VCPIP1: variants seen among roughly 807,000 people sequenced by gnomAD.
The protein encoded by VCPIP1 is deubiquitinating protein VCPIP1.
In VCPIP1, 8 loss-of-function variants were observed where a neutral mutation model predicts 85.0. That is an observed-to-expected ratio of 0.09 (90% CI 0.06 to 0.17). VCPIP1 has a LOEUF of 0.17. Ranked by LOEUF, VCPIP1 falls within the 10% of genes least tolerant of loss-of-function variation. The pLI is 1.00. For missense variants in VCPIP1, 1,070 were observed against 1,486.3 expected (o/e 0.72, Z 4.61); for synonymous variants, 543 against 544.5 (o/e 1.00, Z 0.04).
At chr8:66,643,121 T>C (rs1671825700) in intron 2 of VCPIP1, among the ~76,000 whole-genome samples, 1 of 151,430 alleles carries the variant, frequency 6.6e-6, no homozygotes, top group East Asian at 2.0e-4. Context: ...TCAGGAGTTC[T>C]AGACCAGCCT....
rs1811185835 is a variant in VCPIP1 at position 66,664,378 on chromosome 8, C to T, written c.2581G>A (p.Ala861Thr). The T allele has an allele frequency of 5.0e-6, 8 of 1,613,822 alleles. No individual in the cohort carries two copies. In the East Asian group the frequency reaches 1.8e-4, roughly 36 times the overall value. Residue 861 changes from alanine (A) to threonine (T), a missense_variant, in exon 1 of 3, where the codon GCT becomes ACT. Transcript: ENST00000310421. ...LKSKAEGGQSAAAHSAHTVKQ... is the reference protein window; with the variant it reads ...LKSKAEGGQSTAAHSAHTVKQ... ...ACAGTGTGGGCTGAGTGTGCTGCAG[C>T]AGACTGACCACCTTCAGCTTTACTT... is the stretch of plus-strand genomic sequence containing the variant.
In VCPIP1 at chr8:66,634,567, C is replaced by A; in HGVS notation, c.3603G>T (p.Glu1201Asp). ...CATCTTGACTATCCATCTCTTCAAGCTCCTCCACGGAATTTCCCCTTTGTG... is the reference window on the plus strand; with the variant it reads ...CATCTTGACTATCCATCTCTTCAAGATCCTCCACGGAATTTCCCCTTTGTG... ...SKAQRGNSVE[E>D]LEEMDSQDAE... The change falls in exon 3 of 3, where the codon GAG becomes GAT. Residue 1201 changes from glutamate to aspartate, a missense_variant. Coordinates refer to ENST00000310421, the MANE Select transcript of VCPIP1 (RefSeq NM_025054.5). 1 of 1,613,986 alleles carries A rather than the reference C, an allele frequency of 6.2e-7. No homozygotes were observed. Among genetic ancestry groups the A allele is most frequent in the African/African-American group, 1.3e-5 (1 of 75,034 alleles).
rs745681731 is a variant in VCPIP1, at chr8:66,631,784, A to T, written c.*2717T>A. 4 of 152,538 alleles carry T rather than the reference A, an allele frequency of 2.6e-5. No homozygotes were observed. The highest frequency in any genetic ancestry group is 5.9e-5 in the Non-Finnish European group (4 of 67,964). 9.4% of individuals were successfully genotyped at this position (152,538 alleles called of 1,614,324 possible). ...GCGGGAGAAATGGGTTTGCTCTTTA[A>T]CTAGTTCCTGAGTAACCATTCTCAT... is the stretch of plus-strand genomic sequence containing the variant. On this transcript the variant is annotated 3_prime_UTR_variant, in exon 3 of 3. Transcript: ENST00000310421.
chr8:66,649,207 A>G (rs1811028357), intron 2 of VCPIP1, among the ~76,000 whole-genome samples: 1 of 151,990 alleles, frequency 6.6e-6, no homozygotes, highest in Admixed American at 6.6e-5. Flanking sequence ...TTATATAAAC[A>G]GGCAGCAGGC....
chr8:66,645,513 A>G (rs1487795750), intron 2 of VCPIP1, among the ~76,000 whole-genome samples: 2 of 152,232 alleles, frequency 1.3e-5, no homozygotes, highest in Non-Finnish European at 2.9e-5. Context: ...CATCTTTTAC[A>G]GTATCATCCA....
Position 66,634,763 on chromosome 8 carries a change from A to C in VCPIP1, c.3407T>G (p.Leu1136Arg). The stretch of plus-strand genomic sequence containing the variant: ...CACAACTTCTGTTTTCCTTTGAGGA[A>C]GATCAGATGGTGACTGCTCTGTACT... ...DQSTEQSPSD[L>R]PQRKTEVVSS... Residue 1136 changes from leucine to arginine, a missense_variant, in exon 3 of 3, where the codon CTT becomes CGT. By Grantham distance (102) the Leu-to-Arg change is moderately radical. This residue lies in a region of VCPIP1 where 255 missense variants were observed against 289.5 expected (regional missense o/e 0.88). Coordinates refer to ENST00000310421, the MANE Select transcript of VCPIP1 (RefSeq NM_025054.5). 1 of 1,614,256 alleles carries C rather than the reference A, an allele frequency of 6.2e-7. No individual in the cohort carries two copies. The highest frequency in any genetic ancestry group is 8.5e-7 in the Non-Finnish European group (1 of 1,180,044).
intron 2 of VCPIP1, among the ~76,000 whole-genome samples, chr8:66,650,472 A>G (rs527829055): frequency 9.3e-4 from 141 of 152,316 alleles, no homozygotes; most frequent in Non-Finnish European, 9.1e-4. Context: ...AAATGTGTGA[A>G]GTCCAAACAC....
rs888606027 is a variant in VCPIP1, at chr8:66,631,383, G to C, written c.*3118C>G. 5 of 154,320 alleles carry C rather than the reference G, an allele frequency of 3.2e-5. No homozygotes were observed. The highest frequency in any genetic ancestry group is 1.2e-4 in the African/African-American group (5 of 41,486). 9.6% of individuals were successfully genotyped at this position (154,320 alleles called of 1,614,324 possible). ...TATTCAGTAGCAGATAGTATTGGTA[G>C]GTAACTACATAAAACAATACTTTTA... On this transcript the variant is annotated 3_prime_UTR_variant, in exon 3 of 3. Coordinates refer to ENST00000310421, the MANE Select transcript of VCPIP1 (RefSeq NM_025054.5).
Position 66,664,401 on chromosome 8 carries a change from C to T in VCPIP1, c.2558G>A (p.Ser853Asn), listed in dbSNP as rs556550566. The T allele has an allele frequency of 2.5e-6, 4 of 1,613,756 alleles. No individual in the cohort carries two copies. The African/African-American group carries it at 4.0e-5, about 16-fold the overall frequency. Residue 853 changes from serine (S) to asparagine (N), a missense_variant, in exon 1 of 3, where the codon AGT becomes AAT. Physicochemically the swap from Ser to Asn is conservative, Grantham distance 46. Around this residue, in one of 8 missense-constraint regions of VCPIP1, gnomAD observed 278 missense variants for 298.5 expected, o/e 0.93. Transcript: ENST00000310421. ...GDRITIEILK[S>N]KAEGGQSAAA... ...AGCAGACTGACCACCTTCAGCTTTA[C>T]TTTTTAGAATTTCTATTGTAATTCT...
intron 2 of VCPIP1, among the ~76,000 whole-genome samples, chr8:66,635,958 G>A (rs1027765727): frequency 5.1e-4 from 77 of 150,616 alleles, no homozygotes; most frequent in African/African-American, 1.7e-3. Context: ...GCCAGGTGCA[G>A]TGGCTCATGC....
At chr8:66,636,393 C>T (rs2130144289) in intron 2 of VCPIP1, among the ~76,000 whole-genome samples, 1 of 152,004 alleles carries the variant, frequency 6.6e-6, no homozygotes, top group South Asian at 2.1e-4. Context: ...AAATTTTCAA[C>T]AAGAAATAAG....
intron 2 of VCPIP1, among the ~76,000 whole-genome samples, chr8:66,644,541 T>C (rs1277362324): frequency 6.6e-6 from 1 of 152,090 alleles, no homozygotes; most frequent in Non-Finnish European, 1.5e-5. Flanking sequence ...CCTCAATCAA[T>C]CCTCAATCTT....
intron 2 of VCPIP1, among the ~76,000 whole-genome samples, chr8:66,645,663 T>A (rs774460581): frequency 6.6e-6 from 1 of 150,468 alleles, no homozygotes; most frequent in Non-Finnish European, 1.5e-5. Flanking sequence ...GGCTCACGCC[T>A]GTATCTCAGA....
intron 1 of VCPIP1, among the ~76,000 whole-genome samples, chr8:66,654,139 G>T (rs74845331): frequency 1.7e-3 from 257 of 152,328 alleles, no homozygotes; most frequent in African/African-American, 5.9e-3. Context: ...TGAATCCTGT[G>T]TATCAGTCCA....
intron 2 of VCPIP1, among the ~76,000 whole-genome samples, chr8:66,636,876 G>A (rs995439777): frequency 1.3e-5 from 2 of 152,042 alleles, no homozygotes; most frequent in African/African-American, 4.8e-5. Context: ...ATTTAGATAG[G>A]AAGCTGTGAT....
intron 2 of VCPIP1, 108 bp downstream of exon 2, chr8:66,651,350 C>A: frequency 7.0e-6 from 6 of 860,646 alleles, no homozygotes; most frequent in Non-Finnish European, 6.8e-6. Flanking sequence ...GAATATAAAC[C>A]TAAAATTAAC....
intron 1 of VCPIP1, among the ~76,000 whole-genome samples, chr8:66,662,960 C>G (rs1430441927): frequency 1.3e-5 from 2 of 151,762 alleles, no homozygotes; most frequent in Admixed American, 6.6e-5. Flanking sequence ...CAAAAATTAG[C>G]TGGGCATGGA....
intron 1 of VCPIP1, among the ~76,000 whole-genome samples, chr8:66,656,451 C>T (rs1278967372): frequency 6.6e-6 from 1 of 152,140 alleles, no homozygotes; most frequent in Non-Finnish European, 1.5e-5. Context: ...CCTTGGCCTC[C>T]CAAAGTGCTG....
intron 2 of VCPIP1, among the ~76,000 whole-genome samples, chr8:66,638,985 T>TATATATATATATATATATATATAC (rs1302544149): frequency 4.7e-5 from 7 of 148,940 alleles, no homozygotes; most frequent in African/African-American, 1.8e-4. Context: ...TATATATATA[T>TATATATATATATATATATATATAC]ACATATATTT....
Sources: allele counts gnomAD v4.1 joint callset (sites outside exome capture counted in the v4.1 genomes callset), GRCh38; gene constraint gnomAD v4.1.1; regional missense constraint gnomAD v4.1.1; transcripts MANE v1.5; gene names NCBI Gene and HGNC (gene_info 2026-07-23, HGNC 2026-07-21).